PARG: variants seen among roughly 807,000 people sequenced by gnomAD.
PARG encodes the protein mitochondrial poly(ADP-ribose) glycohydrolase.
Under a neutral mutation model 113.0 loss-of-function variants are expected in PARG, and 35 were observed. The observed-to-expected ratio is 0.31, with a 90% CI of 0.24 to 0.41. The LOEUF (loss-of-function observed/expected upper bound fraction) is 0.41. Ranked by LOEUF, PARG falls within the 10% of genes least tolerant of loss-of-function variation. The pLI, the probability that PARG is intolerant of heterozygous loss-of-function variation, is 1.00. For synonymous variants in PARG, 330 were observed against 409.9 expected (o/e 0.81, Z 2.36); for missense variants, 797 against 1,169.4 (o/e 0.68, Z 4.64).
At chr10:49,907,089 C>T (rs576299057) in intron 7 of PARG, among the ~76,000 whole-genome samples, 2 of 152,162 alleles carry the variant, frequency 1.3e-5, no homozygotes, top group African/African-American at 4.8e-5. Flanking sequence ...AGCAAGACTT[C>T]AATACATATC....
chr10:49,839,518 T>A (rs532543240), intron 15 of PARG, among the ~76,000 whole-genome samples: 2 of 152,294 alleles, frequency 1.3e-5, no homozygotes, highest in South Asian at 2.1e-4. Flanking sequence ...CTATATTCTA[T>A]AAATAAATGT....
intron 15 of PARG, among the ~76,000 whole-genome samples, chr10:49,835,857 C>T (rs1362227034): frequency 6.6e-6 from 1 of 152,108 alleles, no homozygotes; most frequent in African/African-American, 2.4e-5. Flanking sequence ...GAAGCACAAA[C>T]GTGACGATGG....
Position 49,820,254 on chromosome 10 carries a change from T to C in PARG, c.2687A>G (p.Asp896Gly). Residue 896 changes from aspartate to glycine, a missense_variant, in exon 17 of 18, where the codon GAT becomes GGT. Asp to Gly is a moderately conservative substitution (Grantham distance 94, BLOSUM62 -1). This residue lies in a region of PARG where 194 missense variants were observed against 247.1 expected (regional missense o/e 0.79). Transcript: ENST00000616448. ...QILAAAAAERDVVYFTFGDSE... is the reference protein window; with the variant it reads ...QILAAAAAERGVVYFTFGDSE... ...GTCCCCAAAGGTGAAATAAACCACA[T>C]CTCGCTCAGCTGCAGCAGCTGCCAA... 5 of 1,545,794 alleles carry C rather than the reference T, an allele frequency of 3.2e-6. No individual in the cohort carries two copies. The highest frequency in any genetic ancestry group is 2.4e-5 in the East Asian group (1 of 40,890).
chr10:49,915,032 A>T (rs1395037448), intron 7 of PARG, among the ~76,000 whole-genome samples: 3 of 152,160 alleles, frequency 2.0e-5, no homozygotes, highest in Admixed American at 6.5e-5. Flanking sequence ...ATAGTGTAAG[A>T]GCTAAAGCTA....
intron 7 of PARG, among the ~76,000 whole-genome samples, chr10:49,891,623 A>T (rs4838571): frequency 0.01 from 495 of 47,368 alleles, 15 homozygotes; most frequent in African/African-American, 0.016. Context: ...ATATATATAT[A>T]TTTTTTTTTT....
intron 8 of PARG, among the ~76,000 whole-genome samples, chr10:49,880,687 A>G (rs1415877888): frequency 2.6e-5 from 4 of 152,106 alleles, no homozygotes; most frequent in African/African-American, 9.7e-5. Context: ...AGTCCACACC[A>G]TGATAGGAAG....
rs142312328 is a variant in PARG, at chr10:49,827,427, C to T, written c.2647+5376G>A. Among the ~76,000 whole-genome samples the T allele has an allele frequency of 4.0e-3, 605 of 152,224 alleles. 7 individuals are homozygous for T. Among genetic ancestry groups the T allele is most frequent in the African/African-American group, 0.014 (573 of 41,542 alleles). On this transcript the variant is annotated intron_variant, in intron 16 of 17. Transcript: ENST00000616448. ...TTGTTTACAGGTCAGGTAACATATA[C>T]GGGGAAGTCCAAGGGAGAGAATACA...
In PARG at chr10:49,927,989, A is replaced by C. The variant is rs545911040; in HGVS notation, c.1455+4111T>G. Among the ~76,000 whole-genome samples, 1,323 of 151,332 alleles carry C rather than the reference A, an allele frequency of 8.7e-3. 12 individuals are homozygous for C. Among genetic ancestry groups the C allele is most frequent in the African/African-American group, 0.029 (1,216 of 41,326 alleles). On this transcript the variant is annotated intron_variant, in intron 4 of 17. Transcript: ENST00000616448. ...TTTAAAAAAAAAAAAAAAAAGAAGAAGGCCAGGAACAGTGGCTCCCACCTG... is the reference window on the plus strand; with the variant it reads ...TTTAAAAAAAAAAAAAAAAAGAAGACGGCCAGGAACAGTGGCTCCCACCTG...
In PARG at chr10:49,941,579, C is replaced by A; in HGVS notation, c.147G>T (p.Arg49Ser). The change falls in exon 1 of 18, where the codon AGG (arginine) becomes AGT (serine). Residue 49 changes from arginine to serine, a missense_variant. Coordinates refer to ENST00000616448, the MANE Select transcript of PARG (RefSeq NM_003631.5). Reference protein sequence around the residue: ...LDPKDAHVQFRVPPSSPACVP... With the variant: ...LDPKDAHVQFSVPPSSPACVP... Reference sequence around the variant, plus strand: ...CGCAGGCTGGCGAGGACGGTGGGACCCTGAACTGCACGTGAGCGTCCTTGG... The same window carrying A: ...CGCAGGCTGGCGAGGACGGTGGGACACTGAACTGCACGTGAGCGTCCTTGG... 6.4e-7 allele frequency: 1 copy of A among 1,565,208 alleles called. No individual in the cohort carries two copies. Among genetic ancestry groups the A allele is most frequent in the Non-Finnish European group, 8.7e-7 (1 of 1,155,578 alleles).
intron 4 of PARG, among the ~76,000 whole-genome samples, chr10:49,926,341 T>G (rs1554850575): frequency 6.6e-6 from 1 of 151,720 alleles, no homozygotes; most frequent in Non-Finnish European, 1.5e-5. Flanking sequence ...TATCTAGCCT[T>G]GAGAAGTAAA....
chr10:49,843,117 TCAAC>T (rs1845327492), intron 14 of PARG, among the ~76,000 whole-genome samples: 1 of 152,234 alleles, frequency 6.6e-6, no homozygotes, highest in Non-Finnish European at 1.5e-5. Flanking sequence ...GGTTCTGCCA[TCAAC>T]TGGTTTGTGG....
At chr10:49,848,077 G>A (rs1845592649) in intron 13 of PARG, among the ~76,000 whole-genome samples, 1 of 152,060 alleles carries the variant, frequency 6.6e-6, no homozygotes, top group Non-Finnish European at 1.5e-5. Context: ...AAGGCCAGGC[G>A]GGGTGGCTCA....
intron 9 of PARG, among the ~76,000 whole-genome samples, chr10:49,873,864 G>A (rs1305653782): frequency 1.1e-5 from 1 of 89,252 alleles, no homozygotes; most frequent in East Asian, 3.0e-4. Flanking sequence ...AATCTTCAAC[G>A]GAACTACTTA....
intron 14 of PARG, among the ~76,000 whole-genome samples, chr10:49,843,341 A>C (rs1294880962): frequency 6.6e-6 from 1 of 152,154 alleles, no homozygotes; most frequent in African/African-American, 2.4e-5. Context: ...TTTGCTTTAG[A>C]CTTTTGGTTT....
intron 8 of PARG, among the ~76,000 whole-genome samples, chr10:49,881,944 C>T: frequency 6.6e-6 from 1 of 152,112 alleles, no homozygotes; most frequent in African/African-American, 2.4e-5. Context: ...GAAAAGGTGA[C>T]AGTGCATCAA....
chr10:49,884,004 A>G (rs2132645644), intron 8 of PARG, among the ~76,000 whole-genome samples: 1 of 152,126 alleles, frequency 6.6e-6, no homozygotes, highest in East Asian at 1.9e-4. Flanking sequence ...AGGACAATCA[A>G]TCAGCCTATA....
intron 2 of PARG, among the ~76,000 whole-genome samples, 156 bp downstream of exon 2, chr10:49,934,920 T>C (rs1838676460): frequency 6.6e-6 from 1 of 151,390 alleles, no homozygotes; most frequent in Admixed American, 6.6e-5. Flanking sequence ...GTCCCTGGCA[T>C]ACAGGACTCT....
chr10:49,931,693 CAA>C (rs1191457420), intron 4 of PARG, among the ~76,000 whole-genome samples: 99 of 71,742 alleles, frequency 1.4e-3, no homozygotes, highest in African/African-American at 3.6e-3. Flanking sequence ...TGGTCTCCAG[CAA>C]AAAAAAAAAA....
At chr10:49,934,812 A>G (rs1838670111) in intron 2 of PARG, among the ~76,000 whole-genome samples, 1 of 151,592 alleles carries the variant, frequency 6.6e-6, no homozygotes, top group Non-Finnish European at 1.5e-5. Context: ...TCACGCCACT[A>G]CACTCCAGCC....
Sources: allele counts gnomAD v4.1 joint callset (sites outside exome capture counted in the v4.1 genomes callset), GRCh38; gene constraint gnomAD v4.1.1; regional missense constraint gnomAD v4.1.1; transcripts MANE v1.5; gene names NCBI Gene and HGNC (gene_info 2026-07-23, HGNC 2026-07-21).